Variants in ZFPM1 observed in about 807,000 individuals in gnomAD.
ZFPM1 encodes the protein zinc finger protein ZFPM1.
In ZFPM1, 28 loss-of-function variants were observed where a neutral mutation model predicts 46.3. The ratio of observed to expected loss-of-function variants is 0.60; its 90% CI spans 0.45 to 0.83. The LOEUF is 0.83. Among genes scored for constraint, ZFPM1 ranks in the 40% least tolerant of loss-of-function variants. The probability of loss-of-function intolerance (pLI) is 0.00; values close to 1 mark genes in which losing one functional copy is unlikely to be tolerated. For missense variants in ZFPM1, 1,878 were observed against 1,432.4 expected, an observed-to-expected ratio of 1.31 and a Z score of -5.02; for synonymous variants, 957 against 675.9, an observed-to-expected ratio of 1.42 and a Z score of -6.45.
intron 3 of ZFPM1, among the ~76,000 whole-genome samples, chr16:88,499,644 C>T (rs538897920): frequency 5.3e-5 from 8 of 152,324 alleles, no homozygotes; most frequent in East Asian, 3.9e-4. Context: ...GGGTGGAGGA[C>T]GGCTCAGGGG....
At chr16:88,505,488 A>T (rs1385916439) in intron 3 of ZFPM1, among the ~76,000 whole-genome samples, 1 of 151,900 alleles carries the variant, frequency 6.6e-6, no homozygotes, top group African/African-American at 2.4e-5. Flanking sequence ...TGAAATCAAG[A>T]CCTCTGCCCC....
chr16:88,491,668 G>A (rs947642821), intron 3 of ZFPM1, among the ~76,000 whole-genome samples: 1 of 152,236 alleles, frequency 6.6e-6, no homozygotes, highest in East Asian at 1.9e-4. Flanking sequence ...GGGCCCCTGA[G>A]GCCGGCCGTG....
rs1468106510 is a variant in ZFPM1 at position 88,534,667 on chromosome 16, TCCCGCCCCC to T, written c.2710_2718del (p.Pro904_Pro906del). The T allele has an allele frequency of 1.0e-6, 1 of 988,016 alleles. No individual in the cohort carries two copies. The highest frequency in any genetic ancestry group is 6.4e-5 in the Admixed American group (1 of 15,706). The allele number at this position is 988,016 out of a possible 1,614,324, so 61.2% of individuals were successfully genotyped here. On this transcript the variant is annotated inframe_deletion, in exon 10 of 10. Transcript: ENST00000319555. ...CGGCCGACCGCGGCCCCTCGCCCGC[TCCCGCCCCC>T]GCCGCCTCCCCGCAGCCCGGGTCCC... is the stretch of plus-strand genomic sequence containing the variant.
intron 1 of ZFPM1, among the ~76,000 whole-genome samples, chr16:88,478,765 GA>G (rs1217579543): frequency 1.3e-5 from 2 of 152,388 alleles, no homozygotes; most frequent in East Asian, 3.9e-4. Flanking sequence ...GGTTCCCGTA[GA>G]GGGGGCAGGG....
chr16:88,513,838 C>T (rs550096861), intron 3 of ZFPM1, among the ~76,000 whole-genome samples: 5 of 152,216 alleles, frequency 3.3e-5, no homozygotes, highest in Non-Finnish European at 7.3e-5. Flanking sequence ...GGCTGCCTCC[C>T]ATCTCCACCT....
intron 6 of ZFPM1, chr16:88,530,626 G>A (rs1003665063): frequency 1.3e-5 from 2 of 152,276 alleles, no homozygotes; most frequent in African/African-American, 4.8e-5. Context: ...CCCCTCCGCA[G>A]GCCACCAGAT....
At chr16:88,501,907 A>C (rs1384954064) in intron 3 of ZFPM1, among the ~76,000 whole-genome samples, 2 of 151,974 alleles carry the variant, frequency 1.3e-5, no homozygotes, top group African/African-American at 4.8e-5. Context: ...TGGGCCGATG[A>C]GCAAACTGAG....
At chr16:88,452,696 G>A (rs970240745), upstream of ZFPM1, among the ~76,000 whole-genome samples, 1 of 152,272 alleles carries the variant, frequency 6.6e-6, no homozygotes, top group Non-Finnish European at 1.5e-5. Flanking sequence ...TGGAGCGTGC[G>A]GCAGAGCCCA....
At chr16:88,452,879 A>T (rs1907337400), upstream of ZFPM1, among the ~76,000 whole-genome samples, 1 of 151,882 alleles carries the variant, frequency 6.6e-6, no homozygotes, top group Admixed American at 6.5e-5. Context: ...TAGGTCTCAG[A>T]CTCCCAGCGC....
chr16:88,523,675 C>T (rs1467368395), intron 4 of ZFPM1, among the ~76,000 whole-genome samples: 1 of 152,238 alleles, frequency 6.6e-6, no homozygotes, highest in Non-Finnish European at 1.5e-5. Flanking sequence ...TCACCCCTTC[C>T]CAGCCTGTGG....
intron 4 of ZFPM1, among the ~76,000 whole-genome samples, chr16:88,519,229 A>G (rs1266322026): frequency 3.6e-5 from 5 of 139,792 alleles, no homozygotes; most frequent in African/African-American, 1.1e-4. Context: ...GTGTAGGTAG[A>G]TGGATTGATG....
chr16:88,468,099 C>T (rs1449598512), intron 1 of ZFPM1, among the ~76,000 whole-genome samples: 4 of 120,340 alleles, frequency 3.3e-5, no homozygotes, highest in Admixed American at 9.2e-5. Flanking sequence ...CGGCCGCTGA[C>T]GCACCTGCGA....
In ZFPM1 at chr16:88,533,416, G is replaced by T; in HGVS notation, c.1458G>T (p.Pro486=). 1 of 1,487,906 alleles carries T rather than the reference G, an allele frequency of 6.7e-7. No individual in the cohort carries two copies. 92.2% of individuals were successfully genotyped at this position (1,487,906 alleles called of 1,614,324 possible). The change falls in exon 10 of 10, where the codon CCG becomes CCT. Residue 486 remains proline, a synonymous_variant. Coordinates refer to ENST00000319555, the MANE Select transcript of ZFPM1 (RefSeq NM_153813.3). ...CCGGAGAGCCTGGGCCCCAGGCCCC[G>T]TCGCGGACGCCGTCGCCGCGCAGCC... The part of the protein sequence containing the change: ...LGPGEPGPQA[P]SRTPSPRSPA...
Position 88,533,738 on chromosome 16 carries a change from G to A in ZFPM1, c.1780G>A (p.Val594Met). 4.0e-6 allele frequency: 6 copies of A among 1,504,178 alleles called. No homozygotes were observed. Among genetic ancestry groups the A allele is most frequent in the African/African-American group, 1.5e-5 (1 of 67,770 alleles). 93.2% of individuals were successfully genotyped at this position (1,504,178 alleles called of 1,614,324 possible). A position where few individuals can be genotyped will look rare whatever the true frequency, so the allele number is the denominator to read the frequency against. Reference sequence around the variant, plus strand: ...CTTCAGCAACGTCAACAACTACTACGTGCACAAGCGCCTCTACTGTTCAGG... The same window carrying A: ...CTTCAGCAACGTCAACAACTACTACATGCACAAGCGCCTCTACTGTTCAGG... ...ITFSNVNNYY[V>M]HKRLYCSGRR... is the part of the protein sequence containing the mutation. Residue 594 changes from valine (V) to methionine (M), a missense_variant, in exon 10 of 10, where the codon GTG becomes ATG. Coordinates refer to ENST00000319555, the MANE Select transcript of ZFPM1 (RefSeq NM_153813.3).
chr16:88,509,875 C>T (rs541986271), intron 3 of ZFPM1, among the ~76,000 whole-genome samples: 1 of 152,254 alleles, frequency 6.6e-6, no homozygotes, highest in African/African-American at 2.4e-5. Context: ...CTGCCACACG[C>T]GCGTCACGGA....
intron 3 of ZFPM1, among the ~76,000 whole-genome samples, chr16:88,498,081 G>T (rs1320660316): frequency 6.6e-6 from 1 of 152,196 alleles, no homozygotes; most frequent in East Asian, 1.9e-4. Flanking sequence ...GGAGGAGGGG[G>T]CCCTGGCGGA....
At chr16:88,524,821 C>T (rs568018620) in intron 4 of ZFPM1, among the ~76,000 whole-genome samples, 29 of 152,342 alleles carry the variant, frequency 1.9e-4, no homozygotes, top group African/African-American at 7.0e-4. Flanking sequence ...GTCCCCCCAA[C>T]AGCCATGTGG....
intron 1 of ZFPM1, among the ~76,000 whole-genome samples, chr16:88,462,420 G>A (rs956963560): frequency 2.6e-5 from 4 of 152,228 alleles, no homozygotes; most frequent in East Asian, 1.9e-4. Context: ...CACCCATTTC[G>A]CACGTGAGAA....
intron 1 of ZFPM1, among the ~76,000 whole-genome samples, chr16:88,465,752 C>A (rs911531680): frequency 1.3e-5 from 2 of 152,242 alleles, no homozygotes; most frequent in African/African-American, 4.8e-5. Flanking sequence ...GACAGCTGCG[C>A]CCAGATGGGA....
Sources: gnomAD v4.1 joint callset for allele counts (sites outside exome capture counted in the v4.1 genomes callset) on GRCh38, gnomAD v4.1.1 for gene constraint, MANE v1.5 for transcripts, NCBI Gene and HGNC (gene_info 2026-07-23, HGNC 2026-07-21) for gene names.